Variants in TUBGCP3 observed in about 807,000 individuals in gnomAD.
TUBGCP3 encodes the protein gamma-tubulin complex component 3.
In TUBGCP3, 50 loss-of-function variants were observed where a neutral mutation model predicts 123.1. The observed-to-expected ratio is 0.41, with a 90% confidence interval of 0.32 to 0.51. TUBGCP3 has a LOEUF of 0.51. Ranked by LOEUF, TUBGCP3 falls within the 20% of genes least tolerant of loss-of-function variation. TUBGCP3 has a pLI of 0.36. For synonymous variants in TUBGCP3, 405 were observed against 413.9 expected, an observed-to-expected ratio of 0.98 and a Z score of 0.26; for missense variants, 882 against 1,127.0, an observed-to-expected ratio of 0.78 and a Z score of 3.11.
intron 8 of TUBGCP3, among the ~76,000 whole-genome samples, chr13:112,548,953 A>T (rs1442859012): frequency 6.6e-6 from 1 of 152,214 alleles, no homozygotes; most frequent in African/African-American, 2.4e-5. Context: ...TAGAGCTAGA[A>T]ATACCATTTG....
chr13:112,494,330 A>G (rs952287761), intron 20 of TUBGCP3, among the ~76,000 whole-genome samples: 5 of 152,266 alleles, frequency 3.3e-5, no homozygotes, highest in Admixed American at 6.5e-5. Flanking sequence ...CAGTTTATCC[A>G]GAACCAGCAG....
chr13:112,581,728 G>C (rs1002221953), intron 1 of TUBGCP3, among the ~76,000 whole-genome samples: 4 of 152,152 alleles, frequency 2.6e-5, no homozygotes, highest in African/African-American at 4.8e-5. Context: ...TTACAGGTGT[G>C]AGCCACCGTA....
chr13:112,568,350 G>A (rs546271834), intron 2 of TUBGCP3, among the ~76,000 whole-genome samples: 14 of 148,508 alleles, frequency 9.4e-5, no homozygotes, highest in African/African-American at 3.5e-4. Flanking sequence ...TGAGACCCAA[G>A]GCCAAATGGG....
chr13:112,548,728 T>A (rs975561224), intron 8 of TUBGCP3, among the ~76,000 whole-genome samples: 2 of 152,044 alleles, frequency 1.3e-5, no homozygotes, highest in African/African-American at 4.8e-5. Flanking sequence ...AACAGACACA[T>A]GAAAAAATGC....
Position 112,509,178 on chromosome 13 carries a change from G to C in TUBGCP3, c.2087-4464C>G, listed in dbSNP as rs186234153. 1.5e-3 allele frequency among the ~76,000 whole-genome samples: 234 copies of C among 152,196 alleles called. 1 individual carries two copies. The highest frequency in any genetic ancestry group is 5.2e-3 in the African/African-American group (216 of 41,516). On this transcript the variant is annotated intron_variant, in intron 17 of 21. Transcript: ENST00000261965. Reference sequence around the variant, plus strand: ...GCCAGCCTGGACACCATCACCTCTGGAGCCTTCTGGAATCACCCACGTCTG... The same window carrying C: ...GCCAGCCTGGACACCATCACCTCTGCAGCCTTCTGGAATCACCCACGTCTG...
intron 21 of TUBGCP3, among the ~76,000 whole-genome samples, chr13:112,486,435 T>C (rs999865327): frequency 4.0e-5 from 6 of 151,466 alleles, no homozygotes; most frequent in African/African-American, 1.2e-4. Context: ...TTTTTTCACT[T>C]TGTTCTTAAG....
chr13:112,526,234 T>C (rs1877065728), intron 13 of TUBGCP3, among the ~76,000 whole-genome samples: 1 of 137,800 alleles, frequency 7.3e-6, no homozygotes, highest in Admixed American at 7.3e-5. Context: ...CCCATCCCCA[T>C]CATTATCACT....
chr13:112,569,054 G>T, intron 2 of TUBGCP3, 98 bp downstream of exon 2: 2 of 1,072,088 alleles, frequency 1.9e-6, no homozygotes, highest in East Asian at 2.5e-5. Context: ...AAATGCGCTT[G>T]GGAACTACAT....
At chr13:112,514,294 G>T (rs189654074) in intron 17 of TUBGCP3, among the ~76,000 whole-genome samples, 17 of 151,664 alleles carry the variant, frequency 1.1e-4, no homozygotes, top group South Asian at 4.2e-4. Context: ...TCCATGGGGT[G>T]GGGGGGAGGG....
chr13:112,552,741 A>T (rs527595415), intron 8 of TUBGCP3, among the ~76,000 whole-genome samples: 1 of 152,040 alleles, frequency 6.6e-6, no homozygotes, highest in African/African-American at 2.4e-5. Context: ...CCACGCTGCC[A>T]CAGCACACTC....
chr13:112,506,510 A>G (rs1215623031), intron 17 of TUBGCP3, among the ~76,000 whole-genome samples: 1 of 152,204 alleles, frequency 6.6e-6, no homozygotes, highest in Non-Finnish European at 1.5e-5. Flanking sequence ...GACCCTCAGA[A>G]GAGACCCAGC....
intron 19 of TUBGCP3, among the ~76,000 whole-genome samples, chr13:112,503,438 C>T (rs758144811): frequency 5.9e-5 from 9 of 152,128 alleles, no homozygotes; most frequent in Non-Finnish European, 1.2e-4. Context: ...GGCGTGATCT[C>T]GGCTCACTGC....
the TUBGCP3 span, among the ~76,000 whole-genome samples, chr13:112,600,706 G>A: frequency 2.0e-5 from 3 of 151,944 alleles, no homozygotes; most frequent in Non-Finnish European, 4.4e-5. Flanking sequence ...CGCTAGGATC[G>A]AAGGATGCTT....
intron 1 of TUBGCP3, among the ~76,000 whole-genome samples, chr13:112,580,480 A>G (rs1032275234): frequency 6.6e-6 from 1 of 152,182 alleles, no homozygotes; most frequent in Non-Finnish European, 1.5e-5. Context: ...AAAAATTCTA[A>G]GTCTGTCACT....
At chr13:112,549,559 T>C (rs1879380133) in intron 8 of TUBGCP3, among the ~76,000 whole-genome samples, 1 of 152,192 alleles carries the variant, frequency 6.6e-6, no homozygotes, top group Admixed American at 6.5e-5. Context: ...AATGTAATTT[T>C]CTTTCATGCT....
At chr13:112,523,308 CAG>C (rs1258518743) in intron 13 of TUBGCP3, among the ~76,000 whole-genome samples, 3 of 152,232 alleles carry the variant, frequency 2.0e-5, no homozygotes, top group African/African-American at 7.2e-5. Context: ...TCTTCTGATT[CAG>C]AGTTTAAGTC....
chr13:112,538,390 C>G (rs922841954), intron 11 of TUBGCP3, among the ~76,000 whole-genome samples: 11 of 152,298 alleles, frequency 7.2e-5, no homozygotes, highest in African/African-American at 2.6e-4. Context: ...TGAGTTTATC[C>G]TACTTTTGAG....
intron 5 of TUBGCP3, 69 bp downstream of exon 5, chr13:112,558,127 T>C: frequency 5.4e-6 from 8 of 1,493,542 alleles, no homozygotes; most frequent in Non-Finnish European, 6.3e-6. Context: ...CATCAATGTC[T>C]GGTTAACAGC....
In TUBGCP3 at chr13:112,519,789, T is replaced by G. The variant is rs527379314; in HGVS notation, c.1881+97A>C. ...AGTTTCCAGAAAGATAACGGCTAGC[T>G]GTGCCTGAAACAACATGGAAAACAC... On this transcript the variant is annotated intron_variant, in intron 15 of 21. Transcript: ENST00000261965. The surrounding 1 kb of genome is among the most constrained non-coding windows in gnomAD (Gnocchi z 6.2). 1 of 1,451,156 alleles carries G rather than the reference T, an allele frequency of 6.9e-7. No homozygotes were observed. The highest frequency in any genetic ancestry group is 1.5e-5 in the South Asian group (1 of 67,824). 89.9% of individuals were successfully genotyped at this position (1,451,156 alleles called of 1,614,324 possible). A position where few individuals can be genotyped will look rare whatever the true frequency, so the allele number is the denominator to read the frequency against.
Sources: gnomAD v4.1 joint callset for allele counts (sites outside exome capture counted in the v4.1 genomes callset) on GRCh38, gnomAD v4.1.1 for gene constraint, Gnocchi (gnomAD v3.1) non-coding constraint, MANE v1.5 for transcripts, NCBI Gene and HGNC (gene_info 2026-07-23, HGNC 2026-07-21) for gene names.